Variants in SYT1 observed in about 807,000 individuals in gnomAD.
SYT1 encodes synaptotagmin 1, also known as synaptotagmin-1.
A neutral mutation model predicts 44.8 loss-of-function variants in SYT1; 8 were observed. The ratio of observed to expected loss-of-function variants is 0.18; its 90% CI spans 0.10 to 0.32. SYT1 has a LOEUF of 0.32. Among genes scored for constraint, SYT1 ranks in the 10% least tolerant of loss-of-function variants. The pLI, the probability that SYT1 is intolerant of heterozygous loss-of-function variation, is 1.00. For synonymous variants in SYT1, 154 were observed against 188.8 expected (o/e 0.82, Z 1.51); for missense variants, 286 against 509.3 (o/e 0.56, Z 4.22).
intron 1 of SYT1, among the ~76,000 whole-genome samples, chr12:78,955,098 T>C (rs547569996): frequency 3.9e-5 from 6 of 152,304 alleles, no homozygotes; most frequent in African/African-American, 1.4e-4. Context: ...AAATTATTTC[T>C]CCTATAAAAG....
chr12:79,082,982 A>C (rs1374935724), intron 3 of SYT1, among the ~76,000 whole-genome samples: 1 of 152,190 alleles, frequency 6.6e-6, no homozygotes, highest in Non-Finnish European at 1.5e-5. Flanking sequence ...AATGATTGTC[A>C]AAGATAACTC....
intron 1 of SYT1, among the ~76,000 whole-genome samples, chr12:78,920,795 T>C (rs535168485): frequency 6.6e-6 from 1 of 152,086 alleles, no homozygotes; most frequent in South Asian, 2.1e-4. Context: ...CAAGTTTGTA[T>C]TATATGATGC....
chr12:79,248,204 G>A (rs1876966933), intron 4 of SYT1, among the ~76,000 whole-genome samples: 1 of 152,172 alleles, frequency 6.6e-6, no homozygotes, highest in Non-Finnish European at 1.5e-5. Flanking sequence ...TTAATGGAGA[G>A]TTGAGAAGAT....
rs543404333 is a variant in SYT1 at position 79,074,557 on chromosome 12, C to T, written c.-18+27195C>T. Among the ~76,000 whole-genome samples, 6 of 152,276 alleles carry T rather than the reference C, an allele frequency of 3.9e-5. No individual in the cohort carries two copies. In the South Asian group the frequency reaches 1.2e-3, roughly 32 times the overall value. ...TAGCCCAGTTGCTGATAGAATTTCA[C>T]CTGCTGATAAAATTTTCTGAATAAA... On this transcript the variant is annotated intron_variant, in intron 3 of 10. Coordinates refer to ENST00000261205, the MANE Select transcript of SYT1 (RefSeq NM_005639.3).
In SYT1 at chr12:79,364,455, G is replaced by C. The variant is rs139544965; in HGVS notation, c.928+10836G>C. 2.0e-5 allele frequency among the ~76,000 whole-genome samples: 3 copies of C among 152,212 alleles called. No homozygotes were observed. The East Asian group carries it at 5.8e-4, about 29-fold the overall frequency. ...CATCTTACTTGTCCACTGTTTTAAA[G>C]ACTAACTCCTTATCAAAGGAAGTCA... On this transcript the variant is annotated intron_variant, in intron 9 of 10. Coordinates refer to ENST00000261205, the MANE Select transcript of SYT1 (RefSeq NM_005639.3).
intron 9 of SYT1, among the ~76,000 whole-genome samples, chr12:79,364,443 C>T (rs1470413398): frequency 6.6e-6 from 1 of 152,090 alleles, no homozygotes; most frequent in African/African-American, 2.4e-5. Context: ...CTTACTTGTC[C>T]ACTGTTTTAA....
chr12:78,956,191 G>T (rs928763953), intron 1 of SYT1, among the ~76,000 whole-genome samples: 3 of 151,880 alleles, frequency 2.0e-5, no homozygotes, highest in Non-Finnish European at 2.9e-5. Context: ...TGACTGGTAT[G>T]GGGGGGCAGA....
chr12:78,958,818 C>T (rs567779161), intron 1 of SYT1, among the ~76,000 whole-genome samples: 5 of 152,010 alleles, frequency 3.3e-5, no homozygotes, highest in East Asian at 1.9e-4. Context: ...TTTACGCAAA[C>T]GTGGAAAACT....
intron 1 of SYT1, among the ~76,000 whole-genome samples, chr12:78,924,241 G>C (rs1315573272): frequency 6.6e-6 from 1 of 151,838 alleles, no homozygotes; most frequent in East Asian, 1.9e-4. Flanking sequence ...TTATTATCGG[G>C]TTAAGGTGCT....
chr12:79,203,206 G>A (rs1328822086), intron 3 of SYT1, among the ~76,000 whole-genome samples: 6 of 152,148 alleles, frequency 3.9e-5, no homozygotes, highest in African/African-American at 1.2e-4. Flanking sequence ...TCCATTACAA[G>A]AAGTCCCAAG....
At chr12:79,397,751 A>G (rs1336788278) in intron 9 of SYT1, among the ~76,000 whole-genome samples, 1 of 152,230 alleles carries the variant, frequency 6.6e-6, no homozygotes, top group Non-Finnish European at 1.5e-5. Context: ...TCTATGCTAC[A>G]AGACTTAAAG....
At chr12:79,263,102 G>A (rs911020134) in intron 4 of SYT1, among the ~76,000 whole-genome samples, 22 of 152,108 alleles carry the variant, frequency 1.4e-4, no homozygotes, top group African/African-American at 4.6e-4. Context: ...TCTCCAATGC[G>A]TGATAGGACT....
chr12:78,876,818 C>CATATTAT (rs1375731423), intron 1 of SYT1, among the ~76,000 whole-genome samples: 298 of 10,328 alleles, frequency 0.029, 23 homozygotes, highest in Admixed American at 0.24. Flanking sequence ...TAATACATAT[C>CATATTAT]ATATATTATA....
intron 2 of SYT1, among the ~76,000 whole-genome samples, chr12:79,018,274 CAT>C (rs1871943723): frequency 6.9e-6 from 1 of 144,778 alleles, no homozygotes; most frequent in African/African-American, 2.6e-5. Context: ...TGTTCTCACT[CAT>C]AGGTGGGAAT....
intron 2 of SYT1, chr12:78,995,614 G>A (rs988676175): frequency 6.6e-6 from 1 of 152,172 alleles, no homozygotes; most frequent in Non-Finnish European, 1.5e-5. Context: ...GCATATCTTA[G>A]AACATCAGTG....
At chr12:79,311,748 C>A (rs1477133180) in intron 8 of SYT1, among the ~76,000 whole-genome samples, 2 of 146,292 alleles carry the variant, frequency 1.4e-5, no homozygotes, top group African/African-American at 5.1e-5. Context: ...AATCATCATT[C>A]TCAGTAAACT....
At chr12:79,394,396 G>A (rs753453591) in intron 9 of SYT1, among the ~76,000 whole-genome samples, 1 of 152,100 alleles carries the variant, frequency 6.6e-6, no homozygotes, top group Admixed American at 6.5e-5. Context: ...AGGCAGAAGC[G>A]CTATAGTATT....
chr12:78,907,477 C>T (rs976517169), intron 1 of SYT1, among the ~76,000 whole-genome samples: 17 of 151,864 alleles, frequency 1.1e-4, no homozygotes, highest in African/African-American at 3.9e-4. Context: ...TCTGGGATAT[C>T]ACTTGTCTAG....
intron 2 of SYT1, among the ~76,000 whole-genome samples, chr12:78,984,704 C>G (rs1325967981): frequency 6.6e-6 from 1 of 151,816 alleles, no homozygotes; most frequent in East Asian, 1.9e-4. Context: ...AATTTGCTAT[C>G]AAATATACAG....
Sources: allele counts gnomAD v4.1 joint callset (sites outside exome capture counted in the v4.1 genomes callset), GRCh38; gene constraint gnomAD v4.1.1; transcripts MANE v1.5; gene names NCBI Gene and HGNC (gene_info 2026-07-23, HGNC 2026-07-21).